The following GRK7 variants were observed in gnomAD, a reference collection of about 807,000 sequenced individuals.
GRK7 encodes rhodopsin kinase GRK7.
A neutral mutation model predicts 34.1 loss-of-function variants in GRK7; 24 were observed. The ratio of observed to expected loss-of-function variants is 0.70; its 90% CI spans 0.51 to 0.99. The LOEUF is 0.99. GRK7 is among the 50% of genes least tolerant of loss of function. GRK7 has a pLI of 0.00. For missense variants in GRK7, 644 were observed against 707.3 expected (o/e 0.91, Z 1.02); for synonymous variants, 256 against 279.4 (o/e 0.92, Z 0.84).
intron 5 of GRK7, among the ~76,000 whole-genome samples, chr3:141,809,996 A>G (rs1479493366): frequency 6.6e-6 from 1 of 152,196 alleles, no homozygotes; most frequent in African/African-American, 2.4e-5. Context: ...TTATTGAGAT[A>G]TTTCTGGGCA....
intron 4 of GRK7, among the ~76,000 whole-genome samples, chr3:141,807,113 A>G (rs989480200): frequency 3.9e-5 from 6 of 152,216 alleles, no homozygotes; most frequent in African/African-American, 1.4e-4. Flanking sequence ...CAGTGCAGAG[A>G]CAGGCAGAGG....
chr3:141,797,646 G>A (rs1009792335), intron 4 of GRK7, among the ~76,000 whole-genome samples: 2 of 152,128 alleles, frequency 1.3e-5, no homozygotes, highest in Non-Finnish European at 1.5e-5. Context: ...TGAGCTGGGG[G>A]AAGAGGCATC....
chr3:141,792,987 G>A (rs2084732166), intron 4 of GRK7, among the ~76,000 whole-genome samples: 1 of 152,208 alleles, frequency 6.6e-6, no homozygotes, highest in African/African-American at 2.4e-5. Context: ...CCAGGAAGAT[G>A]AACAAGAACA....
intron 5 of GRK7, among the ~76,000 whole-genome samples, chr3:141,811,294 G>A (rs1711089987): frequency 6.6e-6 from 1 of 151,236 alleles, no homozygotes. Flanking sequence ...CTCCAGCCTG[G>A]GCAATAAGAG....
intron 5 of GRK7, among the ~76,000 whole-genome samples, chr3:141,815,094 T>C (rs1711137214): frequency 6.6e-6 from 1 of 151,998 alleles, no homozygotes; most frequent in Non-Finnish European, 1.5e-5. Flanking sequence ...CTGTCTAATT[T>C]TTTGTATTTT....
intron 4 of GRK7, among the ~76,000 whole-genome samples, chr3:141,800,731 C>T (rs578114609): frequency 3.9e-5 from 6 of 152,234 alleles, no homozygotes; most frequent in Middle Eastern, 3.4e-3. Context: ...CATTCAAGGA[C>T]AGACAAAACT....
the GRK7 span, among the ~76,000 whole-genome samples, chr3:141,756,662 T>G: frequency 6.6e-6 from 1 of 152,206 alleles, no homozygotes; most frequent in Non-Finnish European, 1.5e-5. Flanking sequence ...ATGTAAAACC[T>G]GAATTTTTTT....
intron 4 of GRK7, among the ~76,000 whole-genome samples, chr3:141,785,263 A>G (rs904584591): frequency 1.3e-5 from 2 of 152,218 alleles, no homozygotes; most frequent in African/African-American, 4.8e-5. Context: ...TTAGTCTTGT[A>G]TAAGTTGGGA....
At position 141,786,937 on chromosome 3, in the gene GRK7, T is replaced by A. The variant is rs367890266; in HGVS notation, c.1050+6126T>A. Among the ~76,000 whole-genome samples the A allele has an allele frequency of 5.9e-5, 9 of 152,272 alleles. No homozygotes were observed. The East Asian group carries it at 1.7e-3, about 29-fold the overall frequency. On this transcript the variant is annotated intron_variant, in intron 4 of 5. Transcript: ENST00000682958. Reference sequence around the variant, plus strand: ...AAGCACAGAGGGCCTCTGTGCACCCTGCTGGCTTTGAAGATGGAGGAGCAA... The same window carrying A: ...AAGCACAGAGGGCCTCTGTGCACCCAGCTGGCTTTGAAGATGGAGGAGCAA...
At chr3:141,793,634 T>A (rs1365965652) in intron 4 of GRK7, among the ~76,000 whole-genome samples, 3 of 152,180 alleles carry the variant, frequency 2.0e-5, no homozygotes, top group Non-Finnish European at 1.5e-5. Flanking sequence ...GACTTGTGTA[T>A]CCCTAAGGAT....
intron 2 of GRK7, among the ~76,000 whole-genome samples, chr3:141,776,667 AGT>A (rs2084640785): frequency 6.6e-6 from 1 of 152,216 alleles, no homozygotes; most frequent in Admixed American, 6.5e-5. Flanking sequence ...CATGAGGCCA[AGT>A]GTGTATGTGC....
At chr3:141,803,551 C>T (rs1226103516) in intron 4 of GRK7, among the ~76,000 whole-genome samples, 1 of 152,216 alleles carries the variant, frequency 6.6e-6, no homozygotes, top group Non-Finnish European at 1.5e-5. Flanking sequence ...TTACACTGCT[C>T]TTCCACCCCT....
At chr3:141,802,143 A>G (rs975113961) in intron 4 of GRK7, among the ~76,000 whole-genome samples, 2 of 152,078 alleles carry the variant, frequency 1.3e-5, no homozygotes, top group African/African-American at 2.4e-5. Flanking sequence ...CCAAGGCAGG[A>G]GGATCCCAGA....
intron 3 of GRK7, among the ~76,000 whole-genome samples, chr3:141,779,335 G>C (rs932211872): frequency 2.7e-5 from 4 of 149,504 alleles, no homozygotes; most frequent in African/African-American, 9.9e-5. Context: ...AGAATCACTT[G>C]AGCCTGGGAG....
chr3:141,754,432 C>CTTTTT, the GRK7 span, among the ~76,000 whole-genome samples: 7 of 119,604 alleles, frequency 5.9e-5, no homozygotes, highest in African/African-American at 1.4e-4. Flanking sequence ...TCACCACTGT[C>CTTTTT]TTTTTTTTTT....
intron 4 of GRK7, among the ~76,000 whole-genome samples, chr3:141,804,948 CACACAT>C (rs1457492418): frequency 6.6e-6 from 1 of 151,356 alleles, no homozygotes; most frequent in East Asian, 2.0e-4. Flanking sequence ...CACTCACATA[CACACAT>C]ACACACCACA....
At chr3:141,758,726 A>G (rs1404019625), upstream of GRK7, among the ~76,000 whole-genome samples, 3 of 130,000 alleles carry the variant, frequency 2.3e-5, no homozygotes, top group Non-Finnish European at 4.9e-5. Context: ...ATGGCATTGA[A>G]TCTGTAAATT....
chr3:141,753,136 C>T, the GRK7 span, among the ~76,000 whole-genome samples: 1 of 152,318 alleles, frequency 6.6e-6, no homozygotes, highest in East Asian at 1.9e-4. Flanking sequence ...GCTCTGGAAT[C>T]CACATTCTTC....
At chr3:141,757,125 TCTTC>T in the GRK7 span, among the ~76,000 whole-genome samples, 2 of 125,540 alleles carry the variant, frequency 1.6e-5, no homozygotes, top group East Asian at 2.3e-4. Context: ...GCTTAGATCT[TCTTC>T]TTTTTTTTTT....
Sources: gnomAD v4.1 joint callset for allele counts (sites outside exome capture counted in the v4.1 genomes callset) on GRCh38, gnomAD v4.1.1 for gene constraint, MANE v1.5 for transcripts, NCBI Gene and HGNC (gene_info 2026-07-23, HGNC 2026-07-21) for gene names.